The following DOK1 variants were observed in gnomAD, a reference collection of about 807,000 sequenced individuals.
DOK1 encodes the protein Downstream of tyrosine kinase 1.
A neutral mutation model predicts 24.0 loss-of-function variants in DOK1; 12 were observed. The observed-to-expected ratio is 0.50, with a 90% CI of 0.32 to 0.81. DOK1 has a LOEUF of 0.81. DOK1 is among the 30% of genes least tolerant of loss of function. DOK1 has a pLI of 0.03. For synonymous variants in DOK1, 250 were observed against 260.9 expected, an observed-to-expected ratio of 0.96 and a Z score of 0.40; for missense variants, 591 against 620.7, an observed-to-expected ratio of 0.95 and a Z score of 0.51.
At chr2:74,554,090 G>A (rs1677209512), upstream of DOK1, 1 of 152,208 alleles carries the variant, frequency 6.6e-6, no homozygotes, top group Non-Finnish European at 1.5e-5. The surrounding 1 kb of genome is among the most constrained non-coding windows in gnomAD (Gnocchi z 4.9). Context: ...CTCCTCCTCT[G>A]GGTCCTCCCT....
Position 74,549,158 on chromosome 2 carries a change from T to C in DOK1, c.-372T>C. On this transcript the variant is annotated 5_prime_UTR_variant, in exon 1 of 5. Transcript: ENST00000409429. This position sits in a 1 kb window ranked among gnomAD's most constrained non-coding sequence, Gnocchi z 5.3. Reference sequence around the variant, plus strand: ...GGCCACGAGAGAGCGGGAGCCTCGCTGGTCCCCATTTCAGGTACTCCCTTG... The same window carrying C: ...GGCCACGAGAGAGCGGGAGCCTCGCCGGTCCCCATTTCAGGTACTCCCTTG... 1 of 459,372 alleles carries C rather than the reference T, an allele frequency of 2.2e-6. No homozygotes were observed. Among genetic ancestry groups the C allele is most frequent in the Non-Finnish European group, 3.7e-6 (1 of 272,378 alleles). 28.5% of individuals were successfully genotyped at this position (459,372 alleles called of 1,614,324 possible). A position where few individuals can be genotyped will look rare whatever the true frequency, so the allele number is the denominator to read the frequency against.
chr2:74,554,690 GGCCCCGCCTCCC>G (rs1033413028), upstream of DOK1: 84 of 1,538,708 alleles, frequency 5.5e-5, no homozygotes, highest in Admixed American at 2.4e-4. This position sits in a 1 kb window ranked among gnomAD's most constrained non-coding sequence, Gnocchi z 4.9. Flanking sequence ...CAGGGAACCC[GGCCCCGCCTCCC>G]GCCCCGCCTC....
chr2:74,554,560 G>T, upstream of DOK1: 2 of 604,828 alleles, frequency 3.3e-6, no homozygotes, highest in Non-Finnish European at 5.8e-6. This position sits in a 1 kb window ranked among gnomAD's most constrained non-coding sequence, Gnocchi z 4.9. Flanking sequence ...AGGGGCCTGG[G>T]GTGCTGCAGC....
In DOK1 at chr2:74,554,726, A is replaced by G. The variant is rs766878361; in HGVS notation, c.-29A>G. ...CCGCCCCGCCTCCCGCCGCAGGGCC[A>G]GGAAGCGCGGAAGGAACCGCCGGGG... is the stretch of plus-strand genomic sequence containing the variant. On this transcript the variant is annotated 5_prime_UTR_variant, in exon 1 of 5. Coordinates refer to ENST00000233668, the MANE Select transcript of DOK1 (RefSeq NM_001381.5). This position sits in a 1 kb window ranked among gnomAD's most constrained non-coding sequence, Gnocchi z 4.9. 8.8e-6 allele frequency: 14 copies of G among 1,597,326 alleles called. No individual in the cohort carries two copies. The East Asian group carries it at 8.9e-5, about 10-fold the overall frequency.
At chr2:74,550,634 T>C (rs1008371833), upstream of DOK1, among the ~76,000 whole-genome samples, 48 of 152,338 alleles carry the variant, frequency 3.2e-4, no homozygotes, top group African/African-American at 1.0e-3. Context: ...TACCCATTCA[T>C]TGATAGCTAC....
upstream of DOK1, chr2:74,554,681 A>G (rs975824816): frequency 6.7e-7 from 1 of 1,497,100 alleles, no homozygotes. The surrounding 1 kb of genome is among the most constrained non-coding windows in gnomAD (Gnocchi z 4.9). Context: ...AAACTCCTCC[A>G]GGGAACCCGG....
chr2:74,555,765 T>G lies in DOK1; in HGVS notation c.454+97T>G. 1 of 1,594,736 alleles carries G rather than the reference T, an allele frequency of 6.3e-7. No homozygotes were observed. Reference sequence around the variant, plus strand: ...GGATACCCAGGGGCCCATGGGGAAGTAAGAAGTAGGAAGGCCCTGAGATCT... The same window carrying G: ...GGATACCCAGGGGCCCATGGGGAAGGAAGAAGTAGGAAGGCCCTGAGATCT... On this transcript the variant is annotated intron_variant, in intron 3 of 4. Coordinates refer to ENST00000233668, the MANE Select transcript of DOK1 (RefSeq NM_001381.5). The surrounding 1 kb of genome is among the most constrained non-coding windows in gnomAD (Gnocchi z 6.1).
upstream of DOK1, chr2:74,554,354 G>T: frequency 9.9e-6 from 2 of 202,820 alleles, no homozygotes; most frequent in Non-Finnish European, 1.0e-5. This position sits in a 1 kb window ranked among gnomAD's most constrained non-coding sequence, Gnocchi z 4.9. Flanking sequence ...GCCCGGCCAG[G>T]GTAAATAAAG....
upstream of DOK1, chr2:74,550,088 C>T (rs1573026769): frequency 1.3e-6 from 2 of 1,497,314 alleles, no homozygotes; most frequent in Middle Eastern, 1.9e-4. Context: ...CAAATGATCC[C>T]CCAGGGGTAA....
At chr2:74,552,314 T>A (rs780691408), upstream of DOK1, 2 of 1,593,148 alleles carry the variant, frequency 1.3e-6, no homozygotes, top group Non-Finnish European at 1.7e-6. Flanking sequence ...GCCTGGATCA[T>A]TGCTCACCTG....
At position 74,555,135 on chromosome 2, in the gene DOK1, ACT is replaced by A. The variant is rs200468716; in HGVS notation, c.61-7_61-6del. On this transcript the variant is annotated splice_polypyrimidine_tract_variant and intron_variant, in intron 1 of 4. Coordinates refer to ENST00000233668, the MANE Select transcript of DOK1 (RefSeq NM_001381.5). This position sits in a 1 kb window ranked among gnomAD's most constrained non-coding sequence, Gnocchi z 6.1. ...CTGCGCACGCCACTCCCTCTCGAGC[ACT>A]CTCTCTCTCTCCCTAGAGGTGGAGG... is the stretch of plus-strand genomic sequence containing the variant. 1.1e-4 allele frequency: 177 copies of A among 1,584,232 alleles called. No individual in the cohort carries two copies. Among genetic ancestry groups the A allele is most frequent in the Middle Eastern group, 5.9e-4 (3 of 5,114 alleles).
upstream of DOK1, chr2:74,552,403 C>T: frequency 1.9e-6 from 3 of 1,613,620 alleles, no homozygotes; most frequent in Non-Finnish European, 2.5e-6. Flanking sequence ...ATGTGGGCAG[C>T]CTGCAGCGTG....
chr2:74,555,508 G>A lies in DOK1; in HGVS notation c.360+55G>A. The A allele has an allele frequency of 6.2e-7, 1 of 1,611,258 alleles. No homozygotes were observed. On this transcript the variant is annotated intron_variant, in intron 2 of 4. Coordinates refer to ENST00000233668, the MANE Select transcript of DOK1 (RefSeq NM_001381.5). This position sits in a 1 kb window ranked among gnomAD's most constrained non-coding sequence, Gnocchi z 6.1. ...GCAGTTACAGAGGCAGAGAAATGGG[G>A]CTGCCTCAGACCGACCCCCGCTCCC...
chr2:74,555,250 G>A lies in DOK1; in HGVS notation c.157G>A (p.Gly53Ser). The A allele has an allele frequency of 1.2e-6, 2 of 1,613,974 alleles. No individual in the cohort carries two copies. Among genetic ancestry groups the A allele is most frequent in the Non-Finnish European group, 1.7e-6 (2 of 1,180,036 alleles). ...FDHKGSSSGGGRGSSRRLDCK... is the reference protein window; with the variant it reads ...FDHKGSSSGGSRGSSRRLDCK... ...CCATAAGGGGTCGAGCTCTGGGGGT[G>A]GCCGAGGGAGCTCGCGCCGCCTGGA... is the stretch of plus-strand genomic sequence containing the variant. The change falls in exon 2 of 5, where the codon GGC becomes AGC. Residue 53 changes from glycine (G) to serine (S), a missense_variant. Transcript: ENST00000233668. This position sits in a 1 kb window ranked among gnomAD's most constrained non-coding sequence, Gnocchi z 6.1.
upstream of DOK1, among the ~76,000 whole-genome samples, chr2:74,550,799 T>TG (rs917407132): frequency 6.6e-6 from 1 of 152,160 alleles, no homozygotes; most frequent in African/African-American, 2.4e-5. Flanking sequence ...AGCCAATACG[T>TG]GGGGGCTTAG....
At chr2:74,554,648 C>G (rs749641891), upstream of DOK1, 1 of 1,123,194 alleles carries the variant, frequency 8.9e-7, no homozygotes, top group South Asian at 1.5e-5. The surrounding 1 kb of genome is among the most constrained non-coding windows in gnomAD (Gnocchi z 4.9). Flanking sequence ...CAGCGGCTGC[C>G]GGCGGGGGCC....
chr2:74,556,565 C>A lies in DOK1; in HGVS notation c.897C>A (p.Pro299=). 1.2e-6 allele frequency: 2 copies of A among 1,614,214 alleles called. No homozygotes were observed. Among genetic ancestry groups the A allele is most frequent in the South Asian group, 2.2e-5 (2 of 91,084 alleles). Reference sequence around the variant, plus strand: ...GTCCCCCAGCCCTGTATGCTGAGCCCTTAGACTCCCTGCGCATTGCTCCAT... The same window carrying A: ...GTCCCCCAGCCCTGTATGCTGAGCCATTAGACTCCCTGCGCATTGCTCCAT... ...LDSPPALYAE[P]LDSLRIAPCP... is the part of the protein sequence containing the mutation. The change falls in exon 5 of 5, where the codon CCC becomes CCA. Residue 299 remains proline, a synonymous_variant. Transcript: ENST00000233668. This position sits in a 1 kb window ranked among gnomAD's most constrained non-coding sequence, Gnocchi z 4.1.
At chr2:74,553,911 GT>G, upstream of DOK1, 1 of 150,514 alleles carries the variant, frequency 6.6e-6, no homozygotes, top group East Asian at 2.0e-4. Context: ...TGGGAGAAGA[GT>G]GCTGGTCCTG....
At chr2:74,552,650 G>A (rs373794846), upstream of DOK1, 192 of 1,523,742 alleles carry the variant, frequency 1.3e-4, 1 homozygote, top group South Asian at 3.6e-5. Flanking sequence ...GGAAGGCCTG[G>A]GTGCCCCAGA....
Sources: gnomAD v4.1 joint callset for allele counts (sites outside exome capture counted in the v4.1 genomes callset) on GRCh38, gnomAD v4.1.1 for gene constraint, Gnocchi (gnomAD v3.1) non-coding constraint, MANE v1.5 for transcripts, NCBI Gene and HGNC (gene_info 2026-07-23, HGNC 2026-07-21) for gene names.